ZSCAN25: variants seen among roughly 807,000 people sequenced by gnomAD.
ZSCAN25 encodes the protein zinc finger and SCAN domain containing 25.
A neutral mutation model predicts 38.7 loss-of-function variants in ZSCAN25; 27 were observed. The ratio of observed to expected loss-of-function variants is 0.70; its 90% CI spans 0.51 to 0.96. The LOEUF (loss-of-function observed/expected upper bound fraction) is 0.96, where lower values mean the gene tolerates loss of function less well. Among genes scored for constraint, ZSCAN25 ranks in the 40% least tolerant of loss-of-function variants. The pLI, the probability that ZSCAN25 is intolerant of heterozygous loss-of-function variation, is 0.00. For missense variants in ZSCAN25, 637 were observed against 705.9 expected (o/e 0.90, Z 1.11); for synonymous variants, 273 against 277.7 (o/e 0.98, Z 0.17).
rs149909704 is a variant in ZSCAN25, at chr7:99,624,356, G to A, written c.805+176G>A. On this transcript the variant is annotated intron_variant, in intron 7 of 7. Transcript: ENST00000394152. ...GCTGCTTTCCTGTGTCAATAGAGGA[G>A]CCAAATGATGGAGCAGGAAAACATG... 6 of 686,238 alleles carry A rather than the reference G, an allele frequency of 8.7e-6. No individual in the cohort carries two copies. In the African/African-American group the frequency reaches 9.0e-5, roughly 10 times the overall value. 42.5% of individuals were successfully genotyped at this position (686,238 alleles called of 1,614,324 possible). A position where few individuals can be genotyped will look rare whatever the true frequency, so the allele number is the denominator to read the frequency against.
At chr7:99,712,210 A>G in the ZSCAN25 span, among the ~76,000 whole-genome samples, 1 of 152,160 alleles carries the variant, frequency 6.6e-6, no homozygotes, top group Non-Finnish European at 1.5e-5. Flanking sequence ...CATGTAACTC[A>G]CCACCAAAAC....
the ZSCAN25 span, chr7:99,672,773 G>A: frequency 1.3e-6 from 2 of 1,590,126 alleles, no homozygotes. Context: ...ATTATGTTAT[G>A]TAATCCATAC....
chr7:99,672,007 TAGGTTGGTGCAA>T, the ZSCAN25 span: 1 of 586,878 alleles, frequency 1.7e-6, no homozygotes, highest in East Asian at 2.9e-5. Flanking sequence ...ACTATAGTAT[TAGGTTGGTGCAA>T]AAGTTATTGC....
chr7:99,731,995 T>A, the ZSCAN25 span, among the ~76,000 whole-genome samples: 1 of 152,214 alleles, frequency 6.6e-6, no homozygotes, highest in Non-Finnish European at 1.5e-5. Flanking sequence ...GATATCCACC[T>A]GATAAGCACA....
At chr7:99,681,397 C>T in the ZSCAN25 span, among the ~76,000 whole-genome samples, 1 of 152,144 alleles carries the variant, frequency 6.6e-6, no homozygotes, top group Non-Finnish European at 1.5e-5. Context: ...CCAAATTGTT[C>T]TCTATAGTGG....
At chr7:99,649,922 C>T in the ZSCAN25 span, 1 of 988,020 alleles carries the variant, frequency 1.0e-6, no homozygotes, top group South Asian at 1.7e-5. Flanking sequence ...AAGTCCAGAA[C>T]TGAAGCATCC....
At chr7:99,694,330 C>T in the ZSCAN25 span, among the ~76,000 whole-genome samples, 1 of 152,132 alleles carries the variant, frequency 6.6e-6, no homozygotes. Context: ...TTTAGTCTAG[C>T]AGATTTAGAT....
At chr7:99,687,361 A>C in the ZSCAN25 span, among the ~76,000 whole-genome samples, 1 of 152,264 alleles carries the variant, frequency 6.6e-6, no homozygotes, top group Non-Finnish European at 1.5e-5. Context: ...AGGATTGAGA[A>C]CTACATGAAG....
chr7:99,652,332 T>G, the ZSCAN25 span: 1 of 382,552 alleles, frequency 2.6e-6, no homozygotes, highest in Non-Finnish European at 4.7e-6. Flanking sequence ...CACAGGGACA[T>G]AATTGATTAT....
intron 7 of ZSCAN25, among the ~76,000 whole-genome samples, chr7:99,626,924 C>A (rs1353203896): frequency 6.6e-6 from 1 of 152,206 alleles, no homozygotes; most frequent in East Asian, 1.9e-4. Flanking sequence ...TGCTAGGTCC[C>A]TTCTCTTCCA....
At chr7:99,643,354 C>T in the ZSCAN25 span, among the ~76,000 whole-genome samples, 12 of 152,146 alleles carry the variant, frequency 7.9e-5, no homozygotes, top group Admixed American at 2.6e-4. Context: ...GCCTGTGAGC[C>T]GGAAAGTCTC....
the ZSCAN25 span, chr7:99,709,363 C>T: frequency 1.3e-6 from 2 of 1,500,010 alleles, no homozygotes; most frequent in Admixed American, 3.9e-5. Context: ...CAGAGAACAA[C>T]TCATACTGGC....
At chr7:99,647,677 A>G in the ZSCAN25 span, 3 of 985,460 alleles carry the variant, frequency 3.0e-6, no homozygotes, top group African/African-American at 1.7e-5. Flanking sequence ...TCTCCAAACA[A>G]TGGGCAAAGT....
At chr7:99,638,639 G>A in the ZSCAN25 span, 1 of 1,583,246 alleles carries the variant, frequency 6.3e-7, no homozygotes, top group Middle Eastern at 1.7e-4. Context: ...CCCACAGTGG[G>A]AATTGTGGTC....
At chr7:99,689,128 A>G in the ZSCAN25 span, among the ~76,000 whole-genome samples, 1 of 152,248 alleles carries the variant, frequency 6.6e-6, no homozygotes, top group Admixed American at 6.5e-5. Flanking sequence ...AAGAGCAAAC[A>G]CATTCAGAAG....
At position 99,630,181 on chromosome 7, in the gene ZSCAN25, C is replaced by T; in HGVS notation, c.*161C>T. The T allele has an allele frequency of 1.4e-6, 2 of 1,405,346 alleles. No homozygotes were observed. Among genetic ancestry groups the T allele is most frequent in the Non-Finnish European group, 9.2e-7 (1 of 1,085,458 alleles). The allele number at this position is 1,405,346 out of a possible 1,614,324, so 87.1% of individuals were successfully genotyped here. A position where few individuals can be genotyped will look rare whatever the true frequency, so the allele number is the denominator to read the frequency against. ...TGGCTTACTTAGAGCTTCCAGAGAG[C>T]ATAGCTGCTTCCATCTCTTACCCAA... is the stretch of plus-strand genomic sequence containing the variant. On this transcript the variant is annotated 3_prime_UTR_variant, in exon 8 of 8. Coordinates refer to ENST00000394152, the MANE Select transcript of ZSCAN25 (RefSeq NM_145115.3).
chr7:99,699,430 C>T, the ZSCAN25 span, among the ~76,000 whole-genome samples: 5 of 151,970 alleles, frequency 3.3e-5, no homozygotes, highest in African/African-American at 7.3e-5. Flanking sequence ...TGGTGTTCCC[C>T]GGTGTGTTAT....
chr7:99,713,484 A>C, the ZSCAN25 span: 1 of 1,613,454 alleles, frequency 6.2e-7, no homozygotes, highest in South Asian at 1.1e-5. Flanking sequence ...TGGGTCTCAG[A>C]GTCTTTTGAA....
the ZSCAN25 span, among the ~76,000 whole-genome samples, chr7:99,721,685 T>G: frequency 6.6e-6 from 1 of 152,106 alleles, no homozygotes; most frequent in Non-Finnish European, 1.5e-5. Flanking sequence ...AGGACAAATC[T>G]CAAAAAGTTG....
Sources: gnomAD v4.1 joint callset for allele counts (sites outside exome capture counted in the v4.1 genomes callset) on GRCh38, gnomAD v4.1.1 for gene constraint, MANE v1.5 for transcripts, NCBI Gene and HGNC (gene_info 2026-07-23, HGNC 2026-07-21) for gene names.